Variants in ITGBL1 observed in about 807,000 individuals in gnomAD.
The protein encoded by ITGBL1 is integrin subunit beta like 1.
Under a neutral mutation model 68.5 loss-of-function variants are expected in ITGBL1, and 51 were observed. That is an observed-to-expected ratio of 0.74 (90% CI 0.59 to 0.94). The LOEUF is 0.94. Ranked by LOEUF, ITGBL1 falls within the 40% of genes least tolerant of loss-of-function variation. The pLI, the probability that ITGBL1 is intolerant of heterozygous loss-of-function variation, is 0.00. For missense variants in ITGBL1, 649 were observed against 647.4 expected, an observed-to-expected ratio of 1.00 and a Z score of -0.03; for synonymous variants, 209 against 227.3, an observed-to-expected ratio of 0.92 and a Z score of 0.72.
chr13:101,622,684 G>T (rs2031629692), intron 7 of ITGBL1, among the ~76,000 whole-genome samples: 1 of 152,130 alleles, frequency 6.6e-6, no homozygotes, highest in African/African-American at 2.4e-5. Flanking sequence ...GCGCACAGAT[G>T]GATCCAGTGT....
In ITGBL1 at chr13:101,588,826, A is replaced by G. The variant is rs367762047; in HGVS notation, c.868+5470A>G. 2.2e-3 allele frequency among the ~76,000 whole-genome samples: 331 copies of G among 152,292 alleles called. 1 individual carries two copies. Among genetic ancestry groups the G allele is most frequent in the African/African-American group, 7.7e-3 (319 of 41,562 alleles). On this transcript the variant is annotated intron_variant, in intron 6 of 10. Coordinates refer to ENST00000376180, the MANE Select transcript of ITGBL1 (RefSeq NM_004791.3). Reference sequence around the variant, plus strand: ...CATCTTCTTGACTTTATCTCTACCAAATGATTCCTTCTTTGGCATAACTTT... The same window carrying G: ...CATCTTCTTGACTTTATCTCTACCAGATGATTCCTTCTTTGGCATAACTTT...
chr13:101,690,402 A>G (rs1448064172), intron 7 of ITGBL1, among the ~76,000 whole-genome samples: 1 of 152,162 alleles, frequency 6.6e-6, no homozygotes, highest in African/African-American at 2.4e-5. Flanking sequence ...ATGTGAATAA[A>G]TTTGTCACCA....
intron 5 of ITGBL1, among the ~76,000 whole-genome samples, 186 bp downstream of exon 5, chr13:101,579,613 A>G (rs1215087624): frequency 6.6e-6 from 1 of 152,220 alleles, no homozygotes; most frequent in African/African-American, 2.4e-5. Context: ...AGTAGAAAAG[A>G]GAAAGATAAG....
At chr13:101,701,256 C>T (rs1024885357) in intron 8 of ITGBL1, among the ~76,000 whole-genome samples, 1 of 152,150 alleles carries the variant, frequency 6.6e-6, no homozygotes, top group African/African-American at 2.4e-5. Flanking sequence ...AAATCATCGC[C>T]AGGCACAGTG....
In ITGBL1 at chr13:101,566,889, C is replaced by T. The variant is rs575696538; in HGVS notation, c.317-810C>T. Among the ~76,000 whole-genome samples, 8 of 152,264 alleles carry T rather than the reference C, an allele frequency of 5.3e-5. No individual in the cohort carries two copies. In the East Asian group the frequency reaches 1.4e-3, roughly 26 times the overall value. On this transcript the variant is annotated intron_variant, in intron 2 of 10. Coordinates refer to ENST00000376180, the MANE Select transcript of ITGBL1 (RefSeq NM_004791.3). ...ATAGACTTTATCGCTCAGCTTAACTCAAGGTGACAATCACTTCTGGCTGAC... is the reference window on the plus strand; with the variant it reads ...ATAGACTTTATCGCTCAGCTTAACTTAAGGTGACAATCACTTCTGGCTGAC...
At chr13:101,559,020 A>G (rs2139231294) in intron 2 of ITGBL1, among the ~76,000 whole-genome samples, 1 of 152,294 alleles carries the variant, frequency 6.6e-6, no homozygotes, top group Admixed American at 6.5e-5. Flanking sequence ...TTGCTTTACT[A>G]TAATTTCAAT....
chr13:101,543,196 T>C (rs2139191575), intron 2 of ITGBL1, among the ~76,000 whole-genome samples: 1 of 152,274 alleles, frequency 6.6e-6, no homozygotes, highest in Admixed American at 6.5e-5. Context: ...TGGCTGGTAC[T>C]GGTTTTTCCT....
At chr13:101,681,501 A>T (rs2033640705) in intron 7 of ITGBL1, among the ~76,000 whole-genome samples, 1 of 152,290 alleles carries the variant, frequency 6.6e-6, no homozygotes, top group East Asian at 1.9e-4. Flanking sequence ...TGAATTAGTT[A>T]TCTGAGGACT....
chr13:101,619,337 C>A (rs914737820), intron 7 of ITGBL1, among the ~76,000 whole-genome samples: 20 of 151,772 alleles, frequency 1.3e-4, no homozygotes, highest in African/African-American at 4.8e-5. Context: ...GTGCCCAATA[C>A]AATCACAAGG....
intron 7 of ITGBL1, among the ~76,000 whole-genome samples, chr13:101,605,910 G>A (rs4772400): frequency 0.43 from 62,713 of 147,510 alleles, 14,767 homozygotes; most frequent in African/African-American, 0.64. Context: ...ATGTGTATAT[G>A]TACACATATA....
chr13:101,479,612 GA>G (rs35057604), intron 2 of ITGBL1, among the ~76,000 whole-genome samples: 21,663 of 149,204 alleles, frequency 0.15, 2,055 homozygotes, highest in East Asian at 0.43. Flanking sequence ...AACTCAACAG[GA>G]AAAAAAAAAT....
intron 2 of ITGBL1, among the ~76,000 whole-genome samples, chr13:101,454,406 C>T (rs1030149205): frequency 3.3e-4 from 15 of 45,890 alleles, no homozygotes; most frequent in African/African-American, 1.0e-3. Context: ...TGGTCCCCCC[C>T]CCCCCCCCCA....
At chr13:101,521,243 T>C (rs1419964751) in intron 2 of ITGBL1, among the ~76,000 whole-genome samples, 1 of 152,192 alleles carries the variant, frequency 6.6e-6, no homozygotes, top group Non-Finnish European at 1.5e-5. Flanking sequence ...TTTCCAAGCA[T>C]TTTTCTAGAA....
At chr13:101,637,490 C>T (rs1449919575) in intron 7 of ITGBL1, among the ~76,000 whole-genome samples, 2 of 151,794 alleles carry the variant, frequency 1.3e-5, no homozygotes, top group African/African-American at 4.8e-5. Flanking sequence ...ACTACAGGCA[C>T]GTGCCACCAC....
intron 2 of ITGBL1, among the ~76,000 whole-genome samples, chr13:101,560,382 C>T (rs1015780489): frequency 2.0e-5 from 3 of 152,058 alleles, no homozygotes; most frequent in Non-Finnish European, 1.5e-5. Flanking sequence ...AATTAAAATA[C>T]CCCTATTTCA....
Position 101,554,267 on chromosome 13 carries a change from C to T in ITGBL1, c.317-13432C>T, listed in dbSNP as rs568487246. Among the ~76,000 whole-genome samples, 211 of 152,184 alleles carry T rather than the reference C, an allele frequency of 1.4e-3. 2 individuals are homozygous for T. Among genetic ancestry groups the T allele is most frequent in the Non-Finnish European group, 2.6e-3 (177 of 67,974 alleles). On this transcript the variant is annotated intron_variant, in intron 2 of 10. Transcript: ENST00000376180. ...ACTTAGCCCATAACAGCTCTCAGTCCACTGATGACAGAATGTTATTAAATT... is the reference window on the plus strand; with the variant it reads ...ACTTAGCCCATAACAGCTCTCAGTCTACTGATGACAGAATGTTATTAAATT...
intron 2 of ITGBL1, among the ~76,000 whole-genome samples, chr13:101,529,435 G>C (rs1457030828): frequency 6.6e-6 from 1 of 152,048 alleles, no homozygotes; most frequent in Admixed American, 6.6e-5. Flanking sequence ...AAAACTACCA[G>C]ATTCTAAAGA....
At chr13:101,696,719 C>T (rs968818165) in intron 8 of ITGBL1, among the ~76,000 whole-genome samples, 1 of 152,130 alleles carries the variant, frequency 6.6e-6, no homozygotes, top group Non-Finnish European at 1.5e-5. Context: ...TTTAAGTCTA[C>T]AATTCTCATG....
At chr13:101,720,247 C>A (rs1329684956), downstream of ITGBL1, 2 of 151,948 alleles carry the variant, frequency 1.3e-5, no homozygotes, top group Non-Finnish European at 2.9e-5. Flanking sequence ...CAGGTGAGAC[C>A]AGACACAAAG....
Sources: gnomAD v4.1 joint callset for allele counts (sites outside exome capture counted in the v4.1 genomes callset) on GRCh38, gnomAD v4.1.1 for gene constraint, MANE v1.5 for transcripts, NCBI Gene and HGNC (gene_info 2026-07-23, HGNC 2026-07-21) for gene names.